Variants in GLIS3 observed in about 807,000 individuals in gnomAD.
GLIS3 encodes the protein GLIS family zinc finger 3.
GLIS3 carries 53 observed loss-of-function variants against 78.6 expected under a neutral mutation model. That is an observed-to-expected ratio of 0.67 (90% CI 0.54 to 0.85). The LOEUF (loss-of-function observed/expected upper bound fraction) is 0.85. Among genes scored for constraint, GLIS3 ranks in the 40% least tolerant of loss-of-function variants. GLIS3 has a pLI of 0.00. For missense variants in GLIS3, 1,703 were observed against 1,231.1 expected, an observed-to-expected ratio of 1.38 and a Z score of -5.74; for synonymous variants, 684 against 509.9, an observed-to-expected ratio of 1.34 and a Z score of -4.60.
chr9:4,028,467 C>A (rs1285498950), intron 4 of GLIS3, among the ~76,000 whole-genome samples: 1 of 152,136 alleles, frequency 6.6e-6, no homozygotes, highest in Non-Finnish European at 1.5e-5. Context: ...GGAAATAGGG[C>A]TTTTCTCTTT....
At chr9:4,353,971 G>T in the GLIS3 span, among the ~76,000 whole-genome samples, 4 of 150,612 alleles carry the variant, frequency 2.7e-5, no homozygotes, top group East Asian at 7.9e-4. Context: ...GGGACTACAG[G>T]AGCACGCCGC....
Position 4,224,631 on chromosome 9 carries a change from G to A in GLIS3, c.388+61407C>T, listed in dbSNP as rs370715300. On this transcript the variant is annotated intron_variant, in intron 2 of 10. Transcript: ENST00000381971. Reference sequence around the variant, plus strand: ...CTCTAGCAAATGGAACAGGGCTTACGAGACGCATTTTGAGTCCTAACTTCA... The same window carrying A: ...CTCTAGCAAATGGAACAGGGCTTACAAGACGCATTTTGAGTCCTAACTTCA... Among the ~76,000 whole-genome samples, 12 of 151,920 alleles carry A rather than the reference G, an allele frequency of 7.9e-5. No individual in the cohort carries two copies. The East Asian group carries it at 9.7e-4, about 12-fold the overall frequency.
chr9:4,209,609 A>G (rs1281087588), intron 2 of GLIS3, among the ~76,000 whole-genome samples: 1 of 152,174 alleles, frequency 6.6e-6, no homozygotes, highest in Admixed American at 6.5e-5. Context: ...TTTCTCTCCA[A>G]TGTTAATGAT....
intron 4 of GLIS3, among the ~76,000 whole-genome samples, chr9:3,961,292 A>G (rs970291151): frequency 1.3e-5 from 2 of 152,244 alleles, no homozygotes; most frequent in African/African-American, 4.8e-5. Context: ...AAAACCTTGT[A>G]CTAATCATTT....
chr9:4,283,269 GTT>G (rs60941880), intron 2 of GLIS3, among the ~76,000 whole-genome samples: 23,512 of 134,844 alleles, frequency 0.17, 3,113 homozygotes, highest in African/African-American at 0.39. Flanking sequence ...TTGTTTTTTT[GTT>G]TTTTTTTTTT....
intron 7 of GLIS3, among the ~76,000 whole-genome samples, chr9:3,885,881 G>T (rs1260080427): frequency 2.0e-5 from 3 of 152,190 alleles, no homozygotes; most frequent in Non-Finnish European, 4.4e-5. Flanking sequence ...AGATAGACCT[G>T]AATTAGAATC....
chr9:4,378,276 C>T, the GLIS3 span, among the ~76,000 whole-genome samples: 2 of 152,244 alleles, frequency 1.3e-5, no homozygotes, highest in Admixed American at 1.3e-4. Context: ...ATGCCAGTTA[C>T]ATTTCAGTTT....
At chr9:4,137,273 G>T (rs1388445619) in intron 2 of GLIS3, among the ~76,000 whole-genome samples, 4 of 151,960 alleles carry the variant, frequency 2.6e-5, no homozygotes, top group Non-Finnish European at 5.9e-5. Flanking sequence ...CTGAACCCAG[G>T]GAGATTCGCA....
intron 7 of GLIS3, among the ~76,000 whole-genome samples, chr9:3,890,017 G>A (rs898175973): frequency 6.6e-6 from 1 of 152,168 alleles, no homozygotes; most frequent in African/African-American, 2.4e-5. Flanking sequence ...ACACCTGAGA[G>A]TATATTTTGA....
intron 2 of GLIS3, among the ~76,000 whole-genome samples, chr9:4,284,399 T>A (rs1018487948): frequency 4.6e-5 from 7 of 152,094 alleles, no homozygotes; most frequent in African/African-American, 1.7e-4. Flanking sequence ...GCTAAAAGGC[T>A]TTATCGGGCC....
chr9:4,105,012 T>G (rs181495866), intron 4 of GLIS3, among the ~76,000 whole-genome samples: 5 of 152,206 alleles, frequency 3.3e-5, no homozygotes, highest in Non-Finnish European at 7.4e-5. Context: ...CACCTATAAT[T>G]AGATGAACAA....
the GLIS3 span, among the ~76,000 whole-genome samples, chr9:4,470,217 CA>C: frequency 6.6e-6 from 1 of 151,994 alleles, no homozygotes; most frequent in Non-Finnish European, 1.5e-5. Context: ...CTATTCCAAT[CA>C]ATAGAAAAAG....
chr9:4,298,444 T>TA, intron 1 of GLIS3: 1 of 451,512 alleles, frequency 2.2e-6, no homozygotes, highest in Non-Finnish European at 4.5e-6. Flanking sequence ...GACACTTGAG[T>TA]GACTTCCCGG....
At chr9:4,255,282 C>T (rs1824816835) in intron 2 of GLIS3, among the ~76,000 whole-genome samples, 1 of 152,194 alleles carries the variant, frequency 6.6e-6, no homozygotes, top group Non-Finnish European at 1.5e-5. Context: ...AATGGTACAG[C>T]TACTTTGGAA....
chr9:4,084,998 T>C (rs970120625), intron 4 of GLIS3, among the ~76,000 whole-genome samples: 25 of 126,034 alleles, frequency 2.0e-4, no homozygotes, highest in Middle Eastern at 3.9e-3. Context: ...CAAAAACTTT[T>C]GGGAGGAATA....
At chr9:4,403,959 T>A in the GLIS3 span, among the ~76,000 whole-genome samples, 1 of 152,100 alleles carries the variant, frequency 6.6e-6, no homozygotes, top group African/African-American at 2.4e-5. Flanking sequence ...TAAGATCCAA[T>A]GATCTGTTGC....
the GLIS3 span, among the ~76,000 whole-genome samples, chr9:4,429,807 G>A: frequency 6.6e-6 from 1 of 152,152 alleles, no homozygotes; most frequent in Non-Finnish European, 1.5e-5. Context: ...CCAAGGTGGA[G>A]ACTGATGCAG....
intron 2 of GLIS3, among the ~76,000 whole-genome samples, chr9:4,160,059 T>G (rs567768046): frequency 1.3e-5 from 2 of 152,344 alleles, no homozygotes; most frequent in African/African-American, 4.8e-5. Context: ...CAGTGAACTT[T>G]ATTATCATAA....
intron 2 of GLIS3, among the ~76,000 whole-genome samples, chr9:4,327,406 G>T (rs924137544): frequency 3.3e-5 from 5 of 152,176 alleles, no homozygotes; most frequent in Admixed American, 2.0e-4. Context: ...GGTGTCAAGA[G>T]AAATGTGGGA....
Sources: gnomAD v4.1 joint callset for allele counts (sites outside exome capture counted in the v4.1 genomes callset) on GRCh38, gnomAD v4.1.1 for gene constraint, MANE v1.5 for transcripts, NCBI Gene and HGNC (gene_info 2026-07-23, HGNC 2026-07-21) for gene names.